SPAG16: variants seen among roughly 807,000 people sequenced by gnomAD.
SPAG16 encodes sperm associated antigen 16.
Under a neutral mutation model 80.4 loss-of-function variants are expected in SPAG16, and 86 were observed. The ratio of observed to expected loss-of-function variants is 1.07; its 90% CI spans 0.90 to 1.28. The LOEUF is 1.28. Ranked by LOEUF, SPAG16 falls within the 50% of genes most tolerant of loss-of-function variation. The pLI is 0.00. For missense variants in SPAG16, 870 were observed against 765.3 expected (o/e 1.14, Z -1.61); for synonymous variants, 294 against 265.9 (o/e 1.11, Z -1.03).
chr2:214,020,351 C>T (rs2047800891), intron 13 of SPAG16, among the ~76,000 whole-genome samples: 1 of 152,008 alleles, frequency 6.6e-6, no homozygotes, highest in African/African-American at 2.4e-5. Context: ...GTATGTAATA[C>T]TTTATATATA....
chr2:214,012,435 A>G (rs2047359096), intron 12 of SPAG16, among the ~76,000 whole-genome samples: 1 of 150,700 alleles, frequency 6.6e-6, no homozygotes, highest in Non-Finnish European at 1.5e-5. Context: ...AGCTGGGATT[A>G]CAGGCATATG....
At chr2:213,870,459 G>A (rs762633181) in intron 11 of SPAG16, among the ~76,000 whole-genome samples, 19 of 152,294 alleles carry the variant, frequency 1.2e-4, no homozygotes, top group African/African-American at 2.9e-4. Flanking sequence ...CTGCCCAAGC[G>A]CTTTCCTCCA....
chr2:214,206,311 C>T (rs2058143763), intron 15 of SPAG16, among the ~76,000 whole-genome samples: 1 of 152,174 alleles, frequency 6.6e-6, no homozygotes, highest in South Asian at 2.1e-4. Flanking sequence ...TGGTAACCAT[C>T]ATTCTCCCCT....
intron 12 of SPAG16, among the ~76,000 whole-genome samples, chr2:213,955,958 ATTAT>A (rs561437715): frequency 1.1e-4 from 17 of 151,290 alleles, no homozygotes; most frequent in Admixed American, 8.6e-4. Flanking sequence ...GTTTTTATTT[ATTAT>A]TTATTTATTT....
chr2:214,326,944 CAAAAAAAAA>C (rs5838428), intron 15 of SPAG16, among the ~76,000 whole-genome samples: 1 of 64,464 alleles, frequency 1.6e-5, no homozygotes, highest in Non-Finnish European at 2.6e-5. Context: ...GACTAAGTCT[CAAAAAAAAA>C]AAAAAAAAAA....
chr2:213,932,103 C>A (rs2078771171), intron 12 of SPAG16, among the ~76,000 whole-genome samples: 2 of 145,074 alleles, frequency 1.4e-5, no homozygotes, highest in Non-Finnish European at 3.0e-5. Flanking sequence ...ATGGATGGTG[C>A]TGGAGCTATG....
At chr2:214,032,356 T>C (rs11901290) in intron 13 of SPAG16, among the ~76,000 whole-genome samples, 17,574 of 152,208 alleles carry the variant, frequency 0.12, 1,215 homozygotes, top group East Asian at 0.24. Flanking sequence ...AAACAAAGGG[T>C]CTTGAGCTGG....
chr2:213,846,698 TTTTAA>T (rs1239915869), intron 10 of SPAG16, among the ~76,000 whole-genome samples: 2 of 152,190 alleles, frequency 1.3e-5, no homozygotes, highest in African/African-American at 4.8e-5. Context: ...AATATATGTC[TTTTAA>T]TTTAAATTTA....
chr2:213,567,506 G>C (rs920981709), intron 10 of SPAG16, among the ~76,000 whole-genome samples: 15 of 118,956 alleles, frequency 1.3e-4, no homozygotes, highest in Non-Finnish European at 2.3e-4. Flanking sequence ...TCTTGCGATA[G>C]TTTACTGAGA....
At chr2:213,395,180 C>G (rs1442886906) in intron 9 of SPAG16, among the ~76,000 whole-genome samples, 1 of 151,966 alleles carries the variant, frequency 6.6e-6, no homozygotes, top group Non-Finnish European at 1.5e-5. Flanking sequence ...AAACAACCAG[C>G]TTTTTTGTAA....
intron 10 of SPAG16, among the ~76,000 whole-genome samples, chr2:213,828,067 A>C (rs1434708847): frequency 6.6e-6 from 1 of 152,094 alleles, no homozygotes; most frequent in Admixed American, 6.6e-5. Flanking sequence ...AGATTTGAGA[A>C]GTTCATTGTT....
Position 214,212,966 on chromosome 2 carries a change from C to T in SPAG16, c.1720+63700C>T, listed in dbSNP as rs540508905. The stretch of plus-strand genomic sequence containing the variant: ...TAACCTCTGAAGGCACGGTGGGCCA[C>T]CATTATTGTCAATATAATCAAAGAA... On this transcript the variant is annotated intron_variant, in intron 15 of 15. Coordinates refer to ENST00000331683, the MANE Select transcript of SPAG16 (RefSeq NM_024532.5). Among the ~76,000 whole-genome samples, 6 of 152,318 alleles carry T rather than the reference C, an allele frequency of 3.9e-5. No individual in the cohort carries two copies. In the South Asian group the frequency reaches 1.2e-3, roughly 32 times the overall value.
At chr2:213,376,090 A>C (rs2066871793) in intron 9 of SPAG16, among the ~76,000 whole-genome samples, 1 of 151,598 alleles carries the variant, frequency 6.6e-6, no homozygotes, top group Non-Finnish European at 1.5e-5. Context: ...GCTTTTTATT[A>C]TAATCTTGTG....
chr2:213,949,580 G>A lies in SPAG16; in HGVS notation c.1400+19435G>A, dbSNP rs185338555. On this transcript the variant is annotated intron_variant, in intron 12 of 15. Transcript: ENST00000331683. Reference sequence around the variant, plus strand: ...ACCCTTCACCTTCAAATGTACATTTGTTGGTATTGTGAGGTCTTTGGTACT... The same window carrying A: ...ACCCTTCACCTTCAAATGTACATTTATTGGTATTGTGAGGTCTTTGGTACT... Among the ~76,000 whole-genome samples, 3 of 152,256 alleles carry A rather than the reference G, an allele frequency of 2.0e-5. No individual in the cohort carries two copies. In the East Asian group the frequency reaches 5.8e-4, roughly 29 times the overall value.
At chr2:213,307,925 C>G (rs1428791268) in intron 3 of SPAG16, among the ~76,000 whole-genome samples, 1 of 152,162 alleles carries the variant, frequency 6.6e-6, no homozygotes, top group Non-Finnish European at 1.5e-5. Flanking sequence ...CAAAGATCCT[C>G]TTTCCTCATT....
chr2:214,105,506 A>C (rs553129343), intron 13 of SPAG16, among the ~76,000 whole-genome samples: 19 of 152,318 alleles, frequency 1.2e-4, no homozygotes, highest in South Asian at 8.3e-4. Context: ...TTAAGGTCAC[A>C]CAGCTATTAG....
chr2:213,470,477 G>T (rs1380888465), intron 9 of SPAG16, among the ~76,000 whole-genome samples: 1 of 152,154 alleles, frequency 6.6e-6, no homozygotes, highest in Non-Finnish European at 1.5e-5. Flanking sequence ...ACAAATCTCT[G>T]CCCCTTCCTT....
chr2:213,895,626 T>C (rs941940909), intron 11 of SPAG16, among the ~76,000 whole-genome samples: 4 of 152,176 alleles, frequency 2.6e-5, no homozygotes, highest in African/African-American at 7.2e-5. Context: ...CAACTCATCT[T>C]TGGCTAAGGT....
At chr2:213,298,177 T>C (rs2062586629) in intron 3 of SPAG16, among the ~76,000 whole-genome samples, 1 of 152,104 alleles carries the variant, frequency 6.6e-6, no homozygotes, top group African/African-American at 2.4e-5. Flanking sequence ...GAATAAAAGC[T>C]CTAGAGGAAG....
Sources: allele counts gnomAD v4.1 joint callset (sites outside exome capture counted in the v4.1 genomes callset), GRCh38; gene constraint gnomAD v4.1.1; transcripts MANE v1.5; gene names NCBI Gene and HGNC (gene_info 2026-07-23, HGNC 2026-07-21).